Variants in NCOA5 observed in about 807,000 individuals in gnomAD.
The protein encoded by NCOA5 is NCoA-5.
In NCOA5, 12 loss-of-function variants were observed where a neutral mutation model predicts 59.0. The observed-to-expected ratio is 0.20, with a 90% CI of 0.13 to 0.33. The LOEUF (loss-of-function observed/expected upper bound fraction) is 0.33, where lower values mean the gene tolerates loss of function less well. Among genes scored for constraint, NCOA5 ranks in the 10% least tolerant of loss-of-function variants. The probability of loss-of-function intolerance (pLI) is 1.00; values close to 1 mark genes in which losing one functional copy is unlikely to be tolerated. For missense variants in NCOA5, 655 were observed against 766.6 expected, an observed-to-expected ratio of 0.85 and a Z score of 1.72; for synonymous variants, 270 against 275.5, an observed-to-expected ratio of 0.98 and a Z score of 0.20.
chr20:46,068,814 T>C (rs965146523), intron 3 of NCOA5, among the ~76,000 whole-genome samples, 176 bp from the exon 4 acceptor site: 1 of 152,236 alleles, frequency 6.6e-6, no homozygotes. Context: ...CAGAAAGCAC[T>C]TAGCATGGTC....
chr20:46,074,125 T>C (rs2084912071), intron 2 of NCOA5, among the ~76,000 whole-genome samples: 1 of 152,218 alleles, frequency 6.6e-6, no homozygotes, highest in Non-Finnish European at 1.5e-5. Flanking sequence ...ACTGCTGTTC[T>C]TCTGGAGACG....
chr20:46,088,217 A>T (rs2085064343), intron 1 of NCOA5, among the ~76,000 whole-genome samples: 1 of 152,234 alleles, frequency 6.6e-6, no homozygotes, highest in Non-Finnish European at 1.5e-5. Flanking sequence ...AGCAAACTGA[A>T]TCTAGAAAAA....
chr20:46,080,815 C>A (rs2084984738), intron 1 of NCOA5, among the ~76,000 whole-genome samples: 1 of 151,994 alleles, frequency 6.6e-6, no homozygotes, highest in South Asian at 2.1e-4. Flanking sequence ...TTAAAAAAAA[C>A]CTGAAAATAT....
intron 2 of NCOA5, among the ~76,000 whole-genome samples, chr20:46,071,582 T>C (rs1399281495): frequency 2.0e-5 from 3 of 152,232 alleles, no homozygotes; most frequent in African/African-American, 7.2e-5. Context: ...TATCCTAAAA[T>C]GCCAACTTCT....
intron 1 of NCOA5, among the ~76,000 whole-genome samples, chr20:46,086,196 C>G (rs143334446): frequency 5.5e-4 from 83 of 152,288 alleles, no homozygotes; most frequent in East Asian, 3.3e-3. Context: ...CTTTACAGAG[C>G]TAAAGGTATA....
rs773135131 is a variant in NCOA5, at chr20:46,063,557, T to A, written c.953A>T (p.Asp318Val). Residue 318 changes from aspartate (D) to valine (V), a missense_variant, in exon 7 of 8, where the codon GAT becomes GTT. By Grantham distance (152) the Asp-to-Val change is radical. Around this residue, in one of 3 missense-constraint regions of NCOA5, gnomAD observed 325 missense variants for 353.2 expected, o/e 0.92. Transcript: ENST00000290231. ...EIARQAAKMA[D>V]EAILQERERG... ...CTCTCTTTCCTGCAGGATGGCTTCATCGGCCATCTTGGCTGCCTGTCTGGC... is the reference window on the plus strand; with the variant it reads ...CTCTCTTTCCTGCAGGATGGCTTCAACGGCCATCTTGGCTGCCTGTCTGGC... 6.2e-7 allele frequency: 1 copy of A among 1,614,222 alleles called. No homozygotes were observed. The highest frequency in any genetic ancestry group is 8.5e-7 in the Non-Finnish European group (1 of 1,180,038).
At chr20:46,080,426 TC>T (rs1298671558) in intron 1 of NCOA5, among the ~76,000 whole-genome samples, 1 of 152,198 alleles carries the variant, frequency 6.6e-6, no homozygotes, top group Non-Finnish European at 1.5e-5. Context: ...TAGAGTTTGT[TC>T]CCCTTTTTCC....
At chr20:46,075,242 C>G (rs1434125637) in intron 2 of NCOA5, among the ~76,000 whole-genome samples, 1 of 152,186 alleles carries the variant, frequency 6.6e-6, no homozygotes, top group Non-Finnish European at 1.5e-5. Flanking sequence ...GCACTGACAA[C>G]CTTCTCCAGC....
At chr20:46,083,122 C>T (rs1307664038) in intron 1 of NCOA5, among the ~76,000 whole-genome samples, 2 of 152,150 alleles carry the variant, frequency 1.3e-5, no homozygotes, top group Non-Finnish European at 2.9e-5. Context: ...ATAACAAGAG[C>T]GGTGTCAAAG....
chr20:46,074,813 A>G (rs1775420725), intron 2 of NCOA5, among the ~76,000 whole-genome samples: 1 of 152,212 alleles, frequency 6.6e-6, no homozygotes, highest in Non-Finnish European at 1.5e-5. Flanking sequence ...TCTCTTTGGC[A>G]AGAGACTGAA....
intron 2 of NCOA5, 128 bp from the exon 3 acceptor site, chr20:46,070,664 G>C: frequency 1.2e-6 from 1 of 808,006 alleles, no homozygotes. Flanking sequence ...AACAGAACAT[G>C]ACTCAACATT....
In NCOA5 at chr20:46,079,438, G is replaced by A. The variant is rs974492696; in HGVS notation, c.-14C>T. 4 of 1,613,134 alleles carry A rather than the reference G, an allele frequency of 2.5e-6. No homozygotes were observed. The highest frequency in any genetic ancestry group is 1.1e-5 in the South Asian group (1 of 91,054). On this transcript the variant is annotated 5_prime_UTR_variant, in exon 2 of 8. Transcript: ENST00000290231. ...AGCCGTATTCATATTTCTTCTTTCC[G>A]CTGCCTTATTAATATCTGAAAAGAA...
chr20:46,086,227 T>C (rs948952189), intron 1 of NCOA5, among the ~76,000 whole-genome samples: 11 of 152,274 alleles, frequency 7.2e-5, no homozygotes, highest in Admixed American at 7.2e-4. Context: ...CTCTGTTTTC[T>C]AATGCAACTT....
rs2084765832 is a variant in NCOA5, at chr20:46,061,724, C to T, written c.*576G>A. 1 of 152,344 alleles carries T rather than the reference C, an allele frequency of 6.6e-6. No homozygotes were observed. Among genetic ancestry groups the T allele is most frequent in the Non-Finnish European group, 1.5e-5 (1 of 68,052 alleles). The allele number at this position is 152,344 out of a possible 1,614,324, so 9.4% of individuals were successfully genotyped here. On this transcript the variant is annotated 3_prime_UTR_variant, in exon 8 of 8. Coordinates refer to ENST00000290231, the MANE Select transcript of NCOA5 (RefSeq NM_020967.3). ...GAGAGAAAAATTCTTTTTTCTGTGGCTGCCATGGCCATTCCTCAACAATCC... is the reference window on the plus strand; with the variant it reads ...GAGAGAAAAATTCTTTTTTCTGTGGTTGCCATGGCCATTCCTCAACAATCC...
At position 46,062,835 on chromosome 20, in the gene NCOA5, T is replaced by G. The variant is rs1437442372; in HGVS notation, c.1205A>C (p.Gln402Pro). ...GCTCTGGAGCGGTTGGGAGCTTGGC[T>G]GTGTCTTCAGCGAGGCACCCGAGGT... is the stretch of plus-strand genomic sequence containing the variant. ...GATSGASLKT[Q>P]PSSQPLQSGQ... Residue 402 changes from glutamine to proline, a missense_variant, in exon 8 of 8, where the codon CAG becomes CCG. Coordinates refer to ENST00000290231, the MANE Select transcript of NCOA5 (RefSeq NM_020967.3). 6.5e-7 allele frequency: 1 copy of G among 1,535,358 alleles called. No individual in the cohort carries two copies. Among genetic ancestry groups the G allele is most frequent in the Non-Finnish European group, 8.8e-7 (1 of 1,141,106 alleles).
At chr20:46,073,942 AACT>A (rs2084910299) in intron 2 of NCOA5, among the ~76,000 whole-genome samples, 1 of 152,210 alleles carries the variant, frequency 6.6e-6, no homozygotes, top group South Asian at 2.1e-4. Context: ...TGTGCAACAA[AACT>A]ACTAATTCCC....
chr20:46,081,330 G>A (rs549879888), intron 1 of NCOA5, among the ~76,000 whole-genome samples: 13 of 152,156 alleles, frequency 8.5e-5, no homozygotes, highest in African/African-American at 3.1e-4. Flanking sequence ...CTCTACATAT[G>A]AAAAGGAATA....
intron 2 of NCOA5, among the ~76,000 whole-genome samples, chr20:46,076,938 C>T (rs1268265241): frequency 6.6e-6 from 1 of 152,170 alleles, no homozygotes; most frequent in Non-Finnish European, 1.5e-5. Context: ...TTTTTTGAGA[C>T]AGGGACTCAC....
chr20:46,075,949 G>A (rs2084933785), intron 2 of NCOA5, among the ~76,000 whole-genome samples: 1 of 152,212 alleles, frequency 6.6e-6, no homozygotes, highest in African/African-American at 2.4e-5. Flanking sequence ...CACACTGACA[G>A]CTGGAGTCAT....
Sources: allele counts gnomAD v4.1 joint callset (sites outside exome capture counted in the v4.1 genomes callset), GRCh38; gene constraint gnomAD v4.1.1; regional missense constraint gnomAD v4.1.1; transcripts MANE v1.5; gene names NCBI Gene and HGNC (gene_info 2026-07-23, HGNC 2026-07-21).